The following SH3TC1 variants were observed in gnomAD, a reference collection of about 807,000 sequenced individuals.
SH3TC1 encodes SH3 domain and tetratricopeptide repeats 1.
Under a neutral mutation model 117.3 loss-of-function variants are expected in SH3TC1, and 135 were observed. That is an observed-to-expected ratio of 1.15 (90% CI 1.00 to 1.33). SH3TC1 has a LOEUF of 1.33. Ranked by LOEUF, SH3TC1 falls within the 40% of genes most tolerant of loss-of-function variation. The pLI, the probability that SH3TC1 is intolerant of heterozygous loss-of-function variation, is 0.00. For missense variants in SH3TC1, 2,092 were observed against 1,794.3 expected (o/e 1.17, Z -3.00); for synonymous variants, 898 against 816.9 (o/e 1.10, Z -1.69).
Position 8,225,125 on chromosome 4 carries a change from C to T in SH3TC1, c.1244-50C>T. On this transcript the variant is annotated intron_variant, in intron 10 of 17. Coordinates refer to ENST00000245105, the MANE Select transcript of SH3TC1 (RefSeq NM_018986.5). The surrounding 1 kb of genome is among the most constrained non-coding windows in gnomAD (Gnocchi z 5.5). ...ACACTAGCTCAACCTGGCAGGGGAC[C>T]AGAGGTACTGGCTGGGGGTGTTGAT... The T allele has an allele frequency of 1.9e-6, 3 of 1,609,768 alleles. No individual in the cohort carries two copies. Among genetic ancestry groups the T allele is most frequent in the Non-Finnish European group, 2.5e-6 (3 of 1,177,340 alleles).
rs1023188181 is a variant in SH3TC1 at position 8,192,280 on chromosome 4, G to C, written c.-57+10070G>C. 4.6e-5 allele frequency among the ~76,000 whole-genome samples: 7 copies of C among 151,996 alleles called. No homozygotes were observed. The South Asian group carries it at 1.5e-3, about 32-fold the overall frequency. On this transcript the variant is annotated intron_variant, in intron 1 of 16. Transcript: ENST00000508641. The surrounding 1 kb of genome is among the most constrained non-coding windows in gnomAD (Gnocchi z 4.1). Reference sequence around the variant, plus strand: ...CAAAGTGCTGGGATTACAGGCGTGAGCCACTGCGCCCGGCCCTCAGTCACC... The same window carrying C: ...CAAAGTGCTGGGATTACAGGCGTGACCCACTGCGCCCGGCCCTCAGTCACC...
Position 8,227,985 on chromosome 4 carries a change from A to G in SH3TC1, c.2291A>G (p.Gln764Arg). 1 of 1,612,272 alleles carries G rather than the reference A, an allele frequency of 6.2e-7. No homozygotes were observed. Among genetic ancestry groups the G allele is most frequent in the Non-Finnish European group, 8.5e-7 (1 of 1,179,722 alleles). Reference protein sequence around the residue: ...NAPQPHSLPAQTSHYLRQALA... With the variant: ...NAPQPHSLPARTSHYLRQALA... ...CCCCAGCCCCACAGCCTCCCTGCCC[A>G]AACTTCCCACTACCTCAGGCAAGCG... is the stretch of plus-strand genomic sequence containing the variant. Residue 764 changes from glutamine (Q) to arginine (R), a missense_variant, in exon 12 of 18, where the codon CAA (glutamine) becomes CGA (arginine). Gln to Arg is a conservative substitution (Grantham distance 43). Transcript: ENST00000245105.
Position 8,189,260 on chromosome 4 carries a change from C to T in SH3TC1, c.-57+7050C>T, listed in dbSNP as rs148323050. Among the ~76,000 whole-genome samples, 867 of 152,382 alleles carry T rather than the reference C, an allele frequency of 5.7e-3. 5 individuals carry two copies. Among genetic ancestry groups the T allele is most frequent in the Middle Eastern group, 0.024 (7 of 294 alleles). On this transcript the variant is annotated intron_variant, in intron 1 of 16. Transcript: ENST00000508641. Reference sequence around the variant, plus strand: ...GGCACGTGGCCCACAGAGAGCAAGGCCCGCCAGTCTCCTCGCTGGAGGAGC... The same window carrying T: ...GGCACGTGGCCCACAGAGAGCAAGGTCCGCCAGTCTCCTCGCTGGAGGAGC...
Position 8,205,206 on chromosome 4 carries a change from C to T in SH3TC1, c.12C>T (p.Leu4=), listed in dbSNP as rs1718099678. ...GGTCTCTGCGGGTCATGGAGAACCT[C>T]CCTGCCGTGACCACTGAGGAGCCGA... MEN[L]PAVTTEEPTP... The change falls in exon 2 of 18, where the codon CTC becomes CTT. Residue 4 remains leucine (L), a synonymous_variant. Transcript: ENST00000245105. This position sits in a 1 kb window ranked among gnomAD's most constrained non-coding sequence, Gnocchi z 5.4. 1.3e-6 allele frequency: 2 copies of T among 1,538,824 alleles called. No individual in the cohort carries two copies. The highest frequency in any genetic ancestry group is 1.8e-6 in the Non-Finnish European group (2 of 1,142,798).
chr4:8,222,169 G>A (rs1441603339), intron 9 of SH3TC1, among the ~76,000 whole-genome samples: 1 of 152,052 alleles, frequency 6.6e-6, no homozygotes, highest in Non-Finnish European at 1.5e-5. Context: ...AATGTGGAGA[G>A]ATTGGATTGG....
chr4:8,212,711 G>A lies in SH3TC1; in HGVS notation c.258G>A (p.Leu86=). 1.2e-6 allele frequency: 2 copies of A among 1,612,900 alleles called. No homozygotes were observed. The highest frequency in any genetic ancestry group is 1.3e-5 in the African/African-American group (1 of 75,050). Reference sequence around the variant, plus strand: ...CGTCTGCCCCTCCAGACCTGACCCTGCAGCTGCTGGCTGTGCGGAGGAAGA... The same window carrying A: ...CGTCTGCCCCTCCAGACCTGACCCTACAGCTGCTGGCTGTGCGGAGGAAGA... ...QMGVYPTDLT[L]QLLAVRRKSR... The change falls in exon 4 of 18, where the codon CTG becomes CTA. Residue 86 remains leucine, a synonymous_variant. Transcript: ENST00000245105.
chr4:8,223,966 A>G (rs145622014), intron 10 of SH3TC1, among the ~76,000 whole-genome samples: 51 of 152,282 alleles, frequency 3.3e-4, no homozygotes, highest in African/African-American at 1.2e-3. Context: ...CTATGTGCAC[A>G]TGTACAAACA....
chr4:8,210,136 C>T lies in SH3TC1; in HGVS notation c.247+314C>T, dbSNP rs754399119. Reference sequence around the variant, plus strand: ...CAGGTGCCATATGGTAAGAGGTAGACGAAAGTACCCACTGCGTCGTGGGGT... The same window carrying T: ...CAGGTGCCATATGGTAAGAGGTAGATGAAAGTACCCACTGCGTCGTGGGGT... On this transcript the variant is annotated intron_variant, in intron 3 of 17. Transcript: ENST00000245105. This position sits in a 1 kb window ranked among gnomAD's most constrained non-coding sequence, Gnocchi z 4.1. 3.3e-5 allele frequency among the ~76,000 whole-genome samples: 5 copies of T among 152,112 alleles called. No individual in the cohort carries two copies. Among genetic ancestry groups the T allele is most frequent in the Admixed American group, 6.5e-5 (1 of 15,280 alleles).
intron 9 of SH3TC1, among the ~76,000 whole-genome samples, chr4:8,220,014 T>C (rs971627610): frequency 5.3e-5 from 8 of 152,304 alleles, no homozygotes; most frequent in Admixed American, 4.6e-4. Context: ...CGTGGCTGTC[T>C]TCCTCTGTGT....
In SH3TC1 at chr4:8,205,717, G is replaced by A. The variant is rs1384517325; in HGVS notation, c.172+351G>A. On this transcript the variant is annotated intron_variant, in intron 2 of 17. Coordinates refer to ENST00000245105, the MANE Select transcript of SH3TC1 (RefSeq NM_018986.5). The surrounding 1 kb of genome is among the most constrained non-coding windows in gnomAD (Gnocchi z 5.4). The stretch of plus-strand genomic sequence containing the variant: ...CCTTGGAACCCCTGAGAGTCCTCAG[G>A]ATGAGGCATCCTCGTTCTCCAGGAG... 13 of 699,088 alleles carry A rather than the reference G, an allele frequency of 1.9e-5. No homozygotes were observed. The highest frequency in any genetic ancestry group is 2.6e-6 in the Non-Finnish European group (1 of 379,508). The allele number at this position is 699,088 out of a possible 1,614,324, so 43.3% of individuals were successfully genotyped here.
At chr4:8,216,865 C>G (rs1561693237) in intron 6 of SH3TC1, 92 bp from the exon 7 acceptor site, 1 of 1,338,322 alleles carries the variant, frequency 7.5e-7, no homozygotes, top group Non-Finnish European at 1.1e-6. Context: ...GTGGGTGTTG[C>G]CTTCGTTGTC....
At chr4:8,237,869 A>ACTCAGC (rs1721966657) in intron 17 of SH3TC1, among the ~76,000 whole-genome samples, 199 bp downstream of exon 17, 1 of 151,778 alleles carries the variant, frequency 6.6e-6, no homozygotes, top group African/African-American at 2.4e-5. Context: ...ACCCTCAAGA[A>ACTCAGC]CTCAGCCTCA....
chr4:8,233,924 CTTTT>C (rs920344439), intron 14 of SH3TC1, among the ~76,000 whole-genome samples: 95 of 151,374 alleles, frequency 6.3e-4, no homozygotes, highest in African/African-American at 2.2e-3. Flanking sequence ...TTCATCCACT[CTTTT>C]GTCATCCATC....
At chr4:8,222,360 G>GTTTTT (rs1561700499) in intron 9 of SH3TC1, among the ~76,000 whole-genome samples, 1 of 105,744 alleles carries the variant, frequency 9.5e-6, no homozygotes, top group Admixed American at 1.3e-4. Flanking sequence ...GTCAGGATCT[G>GTTTTT]GTTTTTTTTT....
chr4:8,234,207 A>T (rs1721581272), intron 14 of SH3TC1, among the ~76,000 whole-genome samples: 1 of 139,852 alleles, frequency 7.2e-6, no homozygotes, highest in African/African-American at 2.7e-5. Flanking sequence ...TCCATCCACC[A>T]TCCACCATCC....
rs147136028 is a variant in SH3TC1, at chr4:8,217,071, C to T, written c.743C>T (p.Ala248Val). Residue 248 changes from alanine (A) to valine (V), a missense_variant, in exon 7 of 18, where the codon GCG becomes GTG. By Grantham distance (64) the Ala-to-Val change is moderately conservative. Transcript: ENST00000245105. ...RQASGAPQGEAAPETDSSPPS... is the reference protein window; with the variant it reads ...RQASGAPQGEVAPETDSSPPS... ...GCTTCGGGGGCACCCCAGGGAGAGG[C>T]GGCCCCGGAAACAGACTCTTCACCG... is the stretch of plus-strand genomic sequence containing the variant. 5.1e-4 allele frequency: 822 copies of T among 1,612,390 alleles called. 6 individuals are homozygous for T. The highest frequency in any genetic ancestry group is 4.8e-3 in the South Asian group (440 of 90,890).
At chr4:8,237,423 C>T in intron 16 of SH3TC1, 51 bp from the exon 17 acceptor site, 10 of 1,437,346 alleles carry the variant, frequency 7.0e-6, no homozygotes, top group Non-Finnish European at 9.2e-6. Context: ...GTCTGCATGC[C>T]TGCCCCGGGG....
chr4:8,205,383 C>G lies in SH3TC1; in HGVS notation c.172+17C>G. 1 of 1,536,188 alleles carries G rather than the reference C, an allele frequency of 6.5e-7. No individual in the cohort carries two copies. The highest frequency in any genetic ancestry group is 8.8e-7 in the Non-Finnish European group (1 of 1,139,748). On this transcript the variant is annotated intron_variant, in intron 2 of 17. Coordinates refer to ENST00000245105, the MANE Select transcript of SH3TC1 (RefSeq NM_018986.5). The surrounding 1 kb of genome is among the most constrained non-coding windows in gnomAD (Gnocchi z 5.4). ...TGAGAGGCGGTGAGTTCATTCCACC[C>G]TCACCACCCGCCCTCCATCCCACCC...
intron 2 of SH3TC1, among the ~76,000 whole-genome samples, chr4:8,208,941 T>A (rs113797357): frequency 9.7e-4 from 147 of 152,228 alleles, no homozygotes; most frequent in African/African-American, 3.3e-3. Flanking sequence ...CCTAATCAGA[T>A]CCCCCTGGAT....
Sources: allele counts gnomAD v4.1 joint callset (sites outside exome capture counted in the v4.1 genomes callset), GRCh38; gene constraint gnomAD v4.1.1; non-coding constraint Gnocchi (gnomAD v3.1); transcripts MANE v1.5; gene names NCBI Gene and HGNC (gene_info 2026-07-23, HGNC 2026-07-21).